DAD1: variants seen among roughly 807,000 people sequenced by gnomAD.
The protein encoded by DAD1 is dolichyl-diphosphooligosaccharide--protein glycosyltransferase subunit DAD1.
Under a neutral mutation model 9.0 loss-of-function variants are expected in DAD1, and 4 were observed. That is an observed-to-expected ratio of 0.44 (90% CI 0.22 to 1.01). The LOEUF is 1.01. DAD1 is among the 50% of genes least tolerant of loss of function. DAD1 has a pLI of 0.24. For missense variants in DAD1, 119 were observed against 137.3 expected (o/e 0.87, Z 0.67); for synonymous variants, 60 against 62.5 (o/e 0.96, Z 0.19).
chr14:22,586,187 G>A lies in DAD1; in HGVS notation c.211+2760C>T, dbSNP rs549563616. Among the ~76,000 whole-genome samples, 46 of 143,020 alleles carry A rather than the reference G, an allele frequency of 3.2e-4. 1 individual carries two copies. Among genetic ancestry groups the A allele is most frequent in the African/African-American group, 8.6e-4 (32 of 37,314 alleles). 93.8% of individuals were successfully genotyped at this position (143,020 alleles called of 152,430 possible). ...CGCACTCCAGCCTGGGGGACAGAGT[G>A]AGACTCCGTCTCAAAAAAAAAAAAA... On this transcript the variant is annotated intron_variant, in intron 1 of 2. Coordinates refer to ENST00000250498, the MANE Select transcript of DAD1 (RefSeq NM_001344.4).
intron 1 of DAD1, among the ~76,000 whole-genome samples, chr14:22,585,401 A>AT (rs1357972614): frequency 6.6e-6 from 1 of 152,192 alleles, no homozygotes; most frequent in Non-Finnish European, 1.5e-5. Flanking sequence ...AAAGGAAACT[A>AT]AAGGGTTGCC....
intron 1 of DAD1, among the ~76,000 whole-genome samples, chr14:22,583,603 T>C (rs2037132829): frequency 6.6e-6 from 1 of 152,136 alleles, no homozygotes; most frequent in African/African-American, 2.4e-5. Flanking sequence ...AGATTATCTG[T>C]GGTCAAACGG....
intron 2 of DAD1, among the ~76,000 whole-genome samples, chr14:22,574,376 C>T (rs2037063239): frequency 6.6e-6 from 1 of 152,022 alleles, no homozygotes; most frequent in South Asian, 2.1e-4. Flanking sequence ...TGATGAAGGC[C>T]AAGCAGAGAG....
In DAD1 at chr14:22,588,985, G is replaced by A. The variant is rs1237707271; in HGVS notation, c.173C>T (p.Ser58Leu). The A allele has an allele frequency of 1.2e-6, 2 of 1,614,166 alleles. No homozygotes were observed. Among genetic ancestry groups the A allele is most frequent in the Non-Finnish European group, 1.7e-6 (2 of 1,180,034 alleles). ...ACTCCCCACACAAGAGATGAAGCCC[G>A]AGAGAAAAGAGTTGAAGGGGAAGGT... Reference protein sequence around the residue: ...VGTFPFNSFLSGFISCVGSFI... With the variant: ...VGTFPFNSFLLGFISCVGSFI... The change falls in exon 1 of 3, where the codon TCG (serine) becomes TTG (leucine). Residue 58 changes from serine (S) to leucine (L), a missense_variant. Transcript: ENST00000250498.
chr14:22,571,004 T>C (rs942837005), intron 2 of DAD1, among the ~76,000 whole-genome samples: 22 of 126,820 alleles, frequency 1.7e-4, no homozygotes, highest in African/African-American at 8.0e-4. Flanking sequence ...TGAGATGGAC[T>C]GAGATTTTTT....
chr14:22,586,170 A>T (rs2037151254), intron 1 of DAD1, among the ~76,000 whole-genome samples: 1 of 149,838 alleles, frequency 6.7e-6, no homozygotes, highest in African/African-American at 2.5e-5. Context: ...GGCGCACTCC[A>T]GCCTGGGGGA....
intron 1 of DAD1, among the ~76,000 whole-genome samples, chr14:22,582,518 C>T (rs2037124737): frequency 6.6e-6 from 1 of 151,566 alleles, no homozygotes; most frequent in African/African-American, 2.4e-5. Context: ...AGCGAGACTC[C>T]GTCTCAAAAA....
At chr14:22,578,937 G>A (rs1414731689) in intron 1 of DAD1, among the ~76,000 whole-genome samples, 1 of 152,146 alleles carries the variant, frequency 6.6e-6, no homozygotes, top group African/African-American at 2.4e-5. Context: ...CCTAGATGGG[G>A]ATGCACTTGA....
chr14:22,565,500 A>G (rs2036996880), intron 2 of DAD1, among the ~76,000 whole-genome samples: 1 of 152,148 alleles, frequency 6.6e-6, no homozygotes, highest in African/African-American at 2.4e-5. Context: ...AGTTTAACCT[A>G]AAGAGCTTTC....
chr14:22,582,640 G>A (rs1433443394), intron 1 of DAD1, among the ~76,000 whole-genome samples: 2 of 152,194 alleles, frequency 1.3e-5, no homozygotes, highest in African/African-American at 4.8e-5. Context: ...GGAGAAGACA[G>A]AGCTTGCTGA....
At chr14:22,580,250 T>C (rs2037106836) in intron 1 of DAD1, among the ~76,000 whole-genome samples, 1 of 148,468 alleles carries the variant, frequency 6.7e-6, no homozygotes, top group Non-Finnish European at 1.5e-5. Context: ...AGACCCTGTC[T>C]CTACAAAAAA....
In DAD1 at chr14:22,565,039, AAAAGCAGAGCTAGCAGTAAGTGC is replaced by A; in HGVS notation, c.*120_*142del. Reference sequence around the variant, plus strand: ...GAACTCTGGGCTTTTCTCCTGCATAAAAAGCAGAGCTAGCAGTAAGTGCAAATCTGAAGAAAATCCATGTGTCC... The same window carrying A: ...GAACTCTGGGCTTTTCTCCTGCATAAAAATCTGAAGAAAATCCATGTGTCC... On this transcript the variant is annotated 3_prime_UTR_variant, in exon 3 of 3. Coordinates refer to ENST00000250498, the MANE Select transcript of DAD1 (RefSeq NM_001344.4). The A allele has an allele frequency of 2.9e-6, 2 of 692,904 alleles. No homozygotes were observed. The highest frequency in any genetic ancestry group is 3.0e-5 in the South Asian group (2 of 65,796). The allele number at this position is 692,904 out of a possible 1,614,324, so 42.9% of individuals were successfully genotyped here.
chr14:22,587,741 CTTTTTTTT>C, intron 1 of DAD1, among the ~76,000 whole-genome samples: 1 of 139,124 alleles, frequency 7.2e-6, no homozygotes, highest in Non-Finnish European at 1.6e-5. Flanking sequence ...TGTCACCAGA[CTTTTTTTT>C]TTTTTTTTTG....
At chr14:22,579,409 G>A (rs1301384201) in intron 1 of DAD1, among the ~76,000 whole-genome samples, 1 of 152,152 alleles carries the variant, frequency 6.6e-6, no homozygotes, top group Non-Finnish European at 1.5e-5. Context: ...GTTCTCCAGA[G>A]CCTGTCACCA....
intron 1 of DAD1, among the ~76,000 whole-genome samples, chr14:22,588,063 T>C (rs2037166405): frequency 6.6e-6 from 1 of 152,210 alleles, no homozygotes; most frequent in Non-Finnish European, 1.5e-5. Flanking sequence ...CTGTATTTTG[T>C]CTGTACCCCA....
intron 2 of DAD1, 49 bp downstream of exon 2, chr14:22,575,010 C>G: frequency 6.7e-7 from 1 of 1,495,006 alleles, no homozygotes; most frequent in Non-Finnish European, 9.1e-7. Flanking sequence ...CATCCAATTT[C>G]TCTTCCTAAA....
chr14:22,567,881 C>T (rs984522406), intron 2 of DAD1, among the ~76,000 whole-genome samples: 2 of 152,138 alleles, frequency 1.3e-5, no homozygotes, highest in African/African-American at 4.8e-5. Flanking sequence ...TTTGAGATAG[C>T]CGGCCTTCAT....
chr14:22,567,351 T>G (rs1303311178), intron 2 of DAD1, among the ~76,000 whole-genome samples: 1 of 152,246 alleles, frequency 6.6e-6, no homozygotes, highest in Non-Finnish European at 1.5e-5. Context: ...CATCTCATCC[T>G]GGATTCTAGT....
intron 1 of DAD1, among the ~76,000 whole-genome samples, chr14:22,581,490 C>T (rs2037115062): frequency 6.6e-6 from 1 of 152,002 alleles, no homozygotes; most frequent in Admixed American, 6.6e-5. Context: ...ACCCGTAATC[C>T]CAGCACTTTG....
Sources: gnomAD v4.1 joint callset for allele counts (sites outside exome capture counted in the v4.1 genomes callset) on GRCh38, gnomAD v4.1.1 for gene constraint, MANE v1.5 for transcripts, NCBI Gene and HGNC (gene_info 2026-07-23, HGNC 2026-07-21) for gene names.